The following CDH9 variants were observed in gnomAD, a reference collection of about 807,000 sequenced individuals.
CDH9 encodes the protein cadherin 9, also known as cadherin-9.
CDH9 carries 28 observed loss-of-function variants against 70.9 expected under a neutral mutation model. The observed-to-expected ratio is 0.40, with a 90% CI of 0.29 to 0.54. The LOEUF is 0.54. CDH9 is among the 20% of genes least tolerant of loss of function. The probability of loss-of-function intolerance (pLI) is 0.59; values close to 1 mark genes in which losing one functional copy is unlikely to be tolerated. For missense variants in CDH9, 874 were observed against 984.4 expected (o/e 0.89, Z 1.50); for synonymous variants, 409 against 343.1 (o/e 1.19, Z -2.12).
intron 1 of CDH9, among the ~76,000 whole-genome samples, chr5:26,997,547 C>T (rs1428263495): frequency 1.3e-5 from 2 of 152,024 alleles, no homozygotes; most frequent in Admixed American, 6.6e-5. Context: ...GAACATATAC[C>T]TTATGAGCAA....
intron 1 of CDH9, among the ~76,000 whole-genome samples, chr5:27,024,151 A>C (rs187288446): frequency 8.9e-4 from 136 of 152,116 alleles, no homozygotes; most frequent in African/African-American, 3.2e-3. Context: ...AATGATGAAA[A>C]CTGGACAAAT....
Position 26,881,312 on chromosome 5 carries a change from A to G in CDH9, c.2194T>C (p.Tyr732His). 5.0e-6 allele frequency: 8 copies of G among 1,613,044 alleles called. No homozygotes were observed. The highest frequency in any genetic ancestry group is 6.8e-6 in the Non-Finnish European group (8 of 1,179,114). The change falls in exon 12 of 12, where the codon TAT (tyrosine) becomes CAT (histidine). Residue 732 changes from tyrosine to histidine, a missense_variant. Coordinates refer to ENST00000231021, the MANE Select transcript of CDH9 (RefSeq NM_016279.4). Reference protein sequence around the residue: ...ENDADPSAPPYDSLATYAYEG... With the variant: ...ENDADPSAPPHDSLATYAYEG... ...TAGGCATACGTTGCCAGCGAATCAT[A>G]TGGAGGTGCACTTGGGTCTGCGTCG...
Position 26,950,590 on chromosome 5 carries a change from G to A in CDH9, c.229-34666C>T, listed in dbSNP as rs115679564. Among the ~76,000 whole-genome samples the A allele has an allele frequency of 3.0e-3, 458 of 152,160 alleles. 2 individuals carry two copies. Among genetic ancestry groups the A allele is most frequent in the Non-Finnish European group, 4.9e-3 (330 of 68,006 alleles). On this transcript the variant is annotated intron_variant, in intron 2 of 11. Transcript: ENST00000231021. The stretch of plus-strand genomic sequence containing the variant: ...TTTTACAATCACATCAGTTCCTGCT[G>A]CATCAGTGACGATTTTTAATAAAAA...
At chr5:26,957,398 A>C (rs1247996420) in intron 2 of CDH9, among the ~76,000 whole-genome samples, 2 of 152,186 alleles carry the variant, frequency 1.3e-5, no homozygotes, top group African/African-American at 2.4e-5. Flanking sequence ...CTGGTGGCTC[A>C]CATCTGTAAT....
chr5:27,031,428 C>T (rs969833811), intron 1 of CDH9, among the ~76,000 whole-genome samples: 1 of 151,778 alleles, frequency 6.6e-6, no homozygotes. Context: ...TCTATATAGG[C>T]CTTTTACTCA....
In CDH9 at chr5:26,890,466, G is replaced by A; in HGVS notation, c.1352C>T (p.Ser451Phe). Residue 451 changes from serine (S) to phenylalanine (F), a missense_variant, in exon 8 of 12, where the codon TCT becomes TTT. Physicochemically the swap from Ser to Phe is radical, Grantham distance 155. Transcript: ENST00000231021. The stretch of plus-strand genomic sequence containing the variant: ...TGTAACAGTGATGTTATGCCAAGGA[G>A]ATGATTCCCGGTCAAGGGCTTTCAA... ...FTLKALDRES[S>F]PWHNITVTAT... The A allele has an allele frequency of 6.2e-7, 1 of 1,613,434 alleles. No homozygotes were observed. The highest frequency in any genetic ancestry group is 1.1e-5 in the South Asian group (1 of 91,062).
intron 2 of CDH9, among the ~76,000 whole-genome samples, chr5:26,940,193 A>G (rs1349758118): frequency 1.3e-5 from 2 of 151,358 alleles, no homozygotes; most frequent in Admixed American, 6.6e-5. Context: ...GATTTTTTTG[A>G]CAAATTACCT....
At chr5:26,979,167 A>G (rs1052745713) in intron 2 of CDH9, among the ~76,000 whole-genome samples, 2 of 151,118 alleles carry the variant, frequency 1.3e-5, no homozygotes, top group African/African-American at 2.4e-5. Context: ...AAACATTAAC[A>G]ATGCATTATG....
intron 2 of CDH9, among the ~76,000 whole-genome samples, chr5:26,971,542 G>T (rs905284728): frequency 1.3e-5 from 2 of 152,256 alleles, no homozygotes; most frequent in African/African-American, 4.8e-5. Context: ...CATATTATTT[G>T]TATATGTTGC....
intron 1 of CDH9, among the ~76,000 whole-genome samples, chr5:26,997,275 ATG>A (rs572993952): frequency 1.1e-4 from 17 of 150,690 alleles, no homozygotes; most frequent in South Asian, 4.2e-4. Flanking sequence ...ACATATATGT[ATG>A]TGTGTGTGTG....
intron 2 of CDH9, among the ~76,000 whole-genome samples, chr5:26,964,699 G>C (rs974950931): frequency 6.6e-6 from 1 of 151,850 alleles, no homozygotes; most frequent in East Asian, 1.9e-4. Flanking sequence ...TGTTACATAG[G>C]TATACACTTG....
chr5:26,970,243 CTAAA>C (rs1742195785), intron 2 of CDH9, among the ~76,000 whole-genome samples: 1 of 151,750 alleles, frequency 6.6e-6, no homozygotes, highest in Admixed American at 6.6e-5. Flanking sequence ...TGTCACCAAA[CTAAA>C]TATTTATTCA....
chr5:27,009,907 T>G (rs1158665952), intron 1 of CDH9, among the ~76,000 whole-genome samples: 2 of 152,132 alleles, frequency 1.3e-5, no homozygotes, highest in South Asian at 4.1e-4. Flanking sequence ...CTGTGTCTAT[T>G]AAATTATGGG....
Position 26,986,530 on chromosome 5 carries a change from A to C in CDH9, c.228+1576T>G, listed in dbSNP as rs551041914. On this transcript the variant is annotated intron_variant, in intron 2 of 11. Coordinates refer to ENST00000231021, the MANE Select transcript of CDH9 (RefSeq NM_016279.4). The stretch of plus-strand genomic sequence containing the variant: ...TAATGTACACTCAATTTTTAGAGGA[A>C]GTATTTTTGTTTTCAGCTTAAAATA... Among the ~76,000 whole-genome samples the C allele has an allele frequency of 9.9e-5, 15 of 152,220 alleles. No homozygotes were observed. The South Asian group carries it at 2.9e-3, about 29-fold the overall frequency.
chr5:27,025,978 A>G (rs1743214296), intron 1 of CDH9, among the ~76,000 whole-genome samples: 1 of 152,030 alleles, frequency 6.6e-6, no homozygotes, highest in African/African-American at 2.4e-5. Flanking sequence ...TTTCACTTAT[A>G]ACCAGGAGGC....
Position 26,881,422 on chromosome 5 carries a change from T to A in CDH9, c.2084A>T (p.Glu695Val), listed in dbSNP as rs370088766. The A allele has an allele frequency of 3.7e-6, 6 of 1,613,578 alleles. No homozygotes were observed. Among genetic ancestry groups the A allele is most frequent in the Non-Finnish European group, 5.1e-6 (6 of 1,179,596 alleles). ...AGTCCTCCTTATCTGAAAAATAGTT[T>A]CAGGCATTACATCCCGTCTAAGTTT... The part of the protein sequence containing the change: ...DSKLRRDVMP[E>V]TIFQIRRTVP... The change falls in exon 12 of 12, where the codon GAA becomes GTA. Residue 695 changes from glutamate (E) to valine (V), a missense_variant. Transcript: ENST00000231021.
Position 26,903,328 on chromosome 5 carries a change from G to A in CDH9, c.999+309C>T, listed in dbSNP as rs73748530. ...TTACAATGAAAATATTTTGAAAAGT[G>A]CATGAAATAATGATGGCTGTGTGTT... is the stretch of plus-strand genomic sequence containing the variant. On this transcript the variant is annotated intron_variant, in intron 6 of 11. Coordinates refer to ENST00000231021, the MANE Select transcript of CDH9 (RefSeq NM_016279.4). 1,870 of 425,840 alleles carry A rather than the reference G, an allele frequency of 4.4e-3. 28 individuals are homozygous for A. Among genetic ancestry groups the A allele is most frequent in the African/African-American group, 0.035 (1,722 of 48,938 alleles). The allele number at this position is 425,840 out of a possible 1,614,324, so 26.4% of individuals were successfully genotyped here.
intron 2 of CDH9, among the ~76,000 whole-genome samples, chr5:26,939,067 T>C (rs1210736515): frequency 8.6e-5 from 13 of 151,918 alleles, no homozygotes; most frequent in Admixed American, 6.6e-5. Flanking sequence ...GGATGTGACA[T>C]AAGTAATTTA....
rs755457072 is a variant in CDH9 at position 26,902,629 on chromosome 5, G to C, written c.1100C>G (p.Thr367Arg). The change falls in exon 7 of 12, where the codon ACA becomes AGA. Residue 367 changes from threonine (T) to arginine (R), a missense_variant. Physicochemically the swap from Thr to Arg is moderately conservative, Grantham distance 71. Transcript: ENST00000231021. ...RFLHLGPFKD[T>R]AVVKISVEDI... ...TTCCACAGATATTTTGACCACAGCT[G>C]TATCTTTGAAAGGTCCCAGGTGTAA... 1.2e-6 allele frequency: 2 copies of C among 1,601,808 alleles called. No homozygotes were observed. The highest frequency in any genetic ancestry group is 1.1e-5 in the South Asian group (1 of 90,804).
Sources: allele counts gnomAD v4.1 joint callset (sites outside exome capture counted in the v4.1 genomes callset), GRCh38; gene constraint gnomAD v4.1.1; transcripts MANE v1.5; gene names NCBI Gene and HGNC (gene_info 2026-07-23, HGNC 2026-07-21).